Variants in OPCML observed in about 807,000 individuals in gnomAD.
OPCML encodes the protein opioid-binding protein/cell adhesion molecule.
A neutral mutation model predicts 37.8 loss-of-function variants in OPCML; 13 were observed. That is an observed-to-expected ratio of 0.34 (90% CI 0.22 to 0.55). The LOEUF (loss-of-function observed/expected upper bound fraction) is 0.55. Ranked by LOEUF, OPCML falls within the 20% of genes least tolerant of loss-of-function variation. The pLI, the probability that OPCML is intolerant of heterozygous loss-of-function variation, is 0.91. For missense variants in OPCML, 341 were observed against 435.6 expected, an observed-to-expected ratio of 0.78 and a Z score of 1.93; for synonymous variants, 176 against 168.8, an observed-to-expected ratio of 1.04 and a Z score of -0.33.
At chr11:133,404,842 A>C (rs564972074) in intron 1 of OPCML, among the ~76,000 whole-genome samples, 2 of 152,378 alleles carry the variant, frequency 1.3e-5, no homozygotes, top group South Asian at 4.1e-4. Flanking sequence ...TGCTTTGATG[A>C]AGTTTAGTCT....
At chr11:133,045,998 G>A (rs985906557) in intron 1 of OPCML, among the ~76,000 whole-genome samples, 1 of 152,178 alleles carries the variant, frequency 6.6e-6, no homozygotes, top group East Asian at 1.9e-4. Context: ...TCACCGGCAA[G>A]GGGCTTGTGG....
At chr11:132,578,334 T>G (rs1261212246) in intron 3 of OPCML, among the ~76,000 whole-genome samples, 1 of 152,180 alleles carries the variant, frequency 6.6e-6, no homozygotes, top group Non-Finnish European at 1.5e-5. Flanking sequence ...AAAAAACAAG[T>G]TCAATGTAGC....
intron 3 of OPCML, among the ~76,000 whole-genome samples, chr11:132,584,087 A>T (rs569784899): frequency 6.4e-4 from 97 of 152,110 alleles, no homozygotes; most frequent in African/African-American, 2.1e-3. Flanking sequence ...ACAAGATTTT[A>T]AAAAAAACAG....
chr11:132,725,683 C>T (rs1017031154), intron 2 of OPCML, among the ~76,000 whole-genome samples: 8 of 150,740 alleles, frequency 5.3e-5, no homozygotes, highest in African/African-American at 2.0e-4. Context: ...ACCCAAGTAA[C>T]ATCTTGAATG....
intron 2 of OPCML, among the ~76,000 whole-genome samples, chr11:132,750,232 C>T (rs578252157): frequency 3.1e-4 from 47 of 152,224 alleles, no homozygotes; most frequent in African/African-American, 1.1e-3. Flanking sequence ...GGACTAAATA[C>T]TTATATTTTC....
intron 1 of OPCML, among the ~76,000 whole-genome samples, chr11:133,128,025 A>G (rs1761308111): frequency 6.6e-6 from 1 of 152,104 alleles, no homozygotes. Context: ...TCACCACAGC[A>G]TGACTGTTTT....
At chr11:133,397,234 G>C (rs1269850847) in intron 1 of OPCML, among the ~76,000 whole-genome samples, 2 of 152,156 alleles carry the variant, frequency 1.3e-5, no homozygotes, top group Non-Finnish European at 2.9e-5. Context: ...AATGGTCTAT[G>C]TCTCTTCCTT....
At chr11:132,508,015 G>A (rs1322279189) in intron 4 of OPCML, among the ~76,000 whole-genome samples, 1 of 151,926 alleles carries the variant, frequency 6.6e-6, no homozygotes, top group African/African-American at 2.4e-5. Flanking sequence ...TGGGAAAAGG[G>A]GTATTCTTCT....
intron 1 of OPCML, among the ~76,000 whole-genome samples, chr11:133,265,967 A>G (rs992796132): frequency 1.3e-5 from 2 of 152,202 alleles, no homozygotes; most frequent in Non-Finnish European, 2.9e-5. Flanking sequence ...TAAAGTATTA[A>G]TAGACCTCCG....
intron 1 of OPCML, among the ~76,000 whole-genome samples, chr11:133,144,857 C>G (rs1949875776): frequency 6.6e-6 from 1 of 152,156 alleles, no homozygotes; most frequent in African/African-American, 2.4e-5. Context: ...CAAATTCAAG[C>G]AATGAATCAA....
At chr11:133,458,895 A>G (rs141052589) in intron 1 of OPCML, among the ~76,000 whole-genome samples, 2,931 of 141,550 alleles carry the variant, frequency 0.021, 271 homozygotes, top group African/African-American at 0.084. Flanking sequence ...ATGTGTGTGT[A>G]TATATATACA....
intron 2 of OPCML, among the ~76,000 whole-genome samples, chr11:132,911,658 C>A (rs1944430953): frequency 6.6e-6 from 1 of 152,140 alleles, no homozygotes; most frequent in Admixed American, 6.5e-5. Flanking sequence ...CTGAGGGGAC[C>A]CTTCTCCTCT....
Position 132,509,619 on chromosome 11 carries a change from G to A in OPCML, c.505+19442C>T, listed in dbSNP as rs191548427. Among the ~76,000 whole-genome samples, 86 of 152,344 alleles carry A rather than the reference G, an allele frequency of 5.6e-4. 1 individual carries two copies. The highest frequency in any genetic ancestry group is 1.8e-3 in the African/African-American group (76 of 41,576). On this transcript the variant is annotated intron_variant, in intron 4 of 7. Coordinates refer to ENST00000524381, the MANE Select transcript of OPCML (RefSeq NM_001012393.5). The stretch of plus-strand genomic sequence containing the variant: ...TGGCTGAAAGGGGCACATGTACAGC[G>A]CAGGCTGTGGCTTCAGAGGGTGGAA...
chr11:133,484,382 C>CA (rs950864668), intron 1 of OPCML, among the ~76,000 whole-genome samples: 15 of 151,596 alleles, frequency 9.9e-5, no homozygotes, highest in Middle Eastern at 3.4e-3. Context: ...TTTCTAAATT[C>CA]AAAAAAAATC....
At chr11:132,513,288 A>G (rs2096272761) in intron 4 of OPCML, among the ~76,000 whole-genome samples, 1 of 152,090 alleles carries the variant, frequency 6.6e-6, no homozygotes, top group South Asian at 2.1e-4. Context: ...GGGAAAGAGA[A>G]AAGATTGCCA....
At chr11:132,653,600 T>G (rs1172914418) in intron 3 of OPCML, among the ~76,000 whole-genome samples, 1 of 152,210 alleles carries the variant, frequency 6.6e-6, no homozygotes, top group Non-Finnish European at 1.5e-5. Context: ...GTGACACGAT[T>G]TTAATGAAGG....
intron 1 of OPCML, among the ~76,000 whole-genome samples, chr11:132,999,910 C>G (rs190019463): frequency 4.6e-5 from 7 of 152,330 alleles, no homozygotes; most frequent in Admixed American, 4.6e-4. Context: ...ACGCATCCCC[C>G]TCAAAGGCAG....
Position 133,100,683 on chromosome 11 carries a change from A to G in OPCML, c.62-157673T>C, listed in dbSNP as rs552231342. Among the ~76,000 whole-genome samples the G allele has an allele frequency of 1.9e-3, 286 of 152,004 alleles. 2 individuals carry two copies. Among genetic ancestry groups the G allele is most frequent in the African/African-American group, 6.4e-3 (266 of 41,282 alleles). On this transcript the variant is annotated intron_variant, in intron 1 of 7. Transcript: ENST00000524381. ...ACACACAAATACAGTAAACTGATCC[A>G]TGACAGAAGACCAAAGGCAATACAA...
intron 1 of OPCML, among the ~76,000 whole-genome samples, chr11:133,103,646 T>TC (rs1949117337): frequency 1.3e-5 from 2 of 152,254 alleles, no homozygotes; most frequent in Admixed American, 1.3e-4. Context: ...TTGCAAGATT[T>TC]CATGTGTTGT....
Sources: allele counts gnomAD v4.1 joint callset (sites outside exome capture counted in the v4.1 genomes callset), GRCh38; gene constraint gnomAD v4.1.1; transcripts MANE v1.5; gene names NCBI Gene and HGNC (gene_info 2026-07-23, HGNC 2026-07-21).